Variants in TRMT13 observed in about 807,000 individuals in gnomAD.
TRMT13 encodes the protein tRNA methyltransferase 13, also known as tRNA:m(4)X modification enzyme TRM13 homolog.
TRMT13 carries 45 observed loss-of-function variants against 55.9 expected under a neutral mutation model. The observed-to-expected ratio is 0.80, with a 90% CI of 0.63 to 1.03. The LOEUF (loss-of-function observed/expected upper bound fraction) is 1.03. Ranked by LOEUF, TRMT13 falls within the 50% of genes least tolerant of loss-of-function variation. The pLI, the probability that TRMT13 is intolerant of heterozygous loss-of-function variation, is 0.00. For missense variants in TRMT13, 513 were observed against 563.9 expected (o/e 0.91, Z 0.91); for synonymous variants, 183 against 196.3 (o/e 0.93, Z 0.57).
At position 100,137,729 on chromosome 1, in the gene TRMT13, T is replaced by C. The variant is rs139594498; in HGVS notation, c.261+644T>C. Among the ~76,000 whole-genome samples, 737 of 152,326 alleles carry C rather than the reference T, an allele frequency of 4.8e-3. 9 individuals are homozygous for C. The highest frequency in any genetic ancestry group is 0.017 in the African/African-American group (720 of 41,574). On this transcript the variant is annotated intron_variant, in intron 3 of 10. Transcript: ENST00000370141. ...AAGACTCATAGAAAATCGAGACTTA[T>C]GGGAGGATGTCTTGCAATAGCACCG...
chr1:100,137,899 C>T (rs182129391), intron 3 of TRMT13, among the ~76,000 whole-genome samples: 5 of 152,334 alleles, frequency 3.3e-5, no homozygotes, highest in African/African-American at 1.2e-4. Context: ...CCACCACCAC[C>T]TACTTAGGAC....
At position 100,148,086 on chromosome 1, in the gene TRMT13, A is replaced by G. The variant is rs749468201; in HGVS notation, c.1010A>G (p.His337Arg). 4 of 1,614,214 alleles carry G rather than the reference A, an allele frequency of 2.5e-6. No homozygotes were observed. Among genetic ancestry groups the G allele is most frequent in the Non-Finnish European group, 3.4e-6 (4 of 1,180,030 alleles). ...GGCATTGTTATTGCACTCTGTTGTC[A>G]CCACAGGTGTGATTGGAGACATTAT... ...VAGIVIALCC[H>R]HRCDWRHYVG... Residue 337 changes from histidine to arginine, a missense_variant, in exon 10 of 11, where the codon CAC (histidine) becomes CGC (arginine). His to Arg is a conservative substitution (Grantham distance 29, BLOSUM62 0). Transcript: ENST00000370141.
Position 100,140,409 on chromosome 1 carries a change from C to T in TRMT13, c.396C>T (p.Gly132=). 3.7e-6 allele frequency: 6 copies of T among 1,612,920 alleles called. No individual in the cohort carries two copies. The highest frequency in any genetic ancestry group is 5.1e-6 in the Non-Finnish European group (6 of 1,179,274). ...LIKKLRKASE[G]LNSTLKDHIM... is the part of the protein sequence containing the mutation. ...CTGTTGTGCTTATATTTGGCACAGG[C>T]TTGAATTCTACACTTAAAGATCATA... The change falls in exon 6 of 11, where the codon GGC becomes GGT. Residue 132 remains glycine (G), a splice_region_variant and synonymous_variant. Coordinates refer to ENST00000370141, the MANE Select transcript of TRMT13 (RefSeq NM_019083.3).
At chr1:100,140,689 A>T in intron 6 of TRMT13, 163 bp from the exon 7 acceptor site, 1 of 836,694 alleles carries the variant, frequency 1.2e-6, no homozygotes, top group Admixed American at 2.9e-5. Flanking sequence ...TGTGATTCTG[A>T]GTACCGTATA....
rs149845319 is a variant in TRMT13 at position 100,133,198 on chromosome 1, G to T, written c.30G>T (p.Ala10=). 3.6e-5 allele frequency: 58 copies of T among 1,614,050 alleles called. No individual in the cohort carries two copies. The highest frequency in any genetic ancestry group is 1.6e-4 in the Middle Eastern group (1 of 6,084). Residue 10 remains alanine, a synonymous_variant, in exon 1 of 11, where the codon GCG becomes GCT. Transcript: ENST00000370141. MATSATSPH[A]PGFPAEGRCG... ...CGACCTCCGCGACGTCGCCGCACGC[G>T]CCTGGTTTTCCAGCTGAGGGTAGAT... is the stretch of plus-strand genomic sequence containing the variant.
rs548821446 is a variant in TRMT13 at position 100,142,754 on chromosome 1, G to T, written c.670-383G>T. 7.2e-5 allele frequency among the ~76,000 whole-genome samples: 11 copies of T among 152,258 alleles called. No individual in the cohort carries two copies. In the South Asian group the frequency reaches 2.3e-3, roughly 32 times the overall value. ...AGATCAGCCGGTCGTGGGCACATAG[G>T]TATAGATTAGAATGGTTGTGATCTT... On this transcript the variant is annotated intron_variant, in intron 7 of 10. Transcript: ENST00000370141.
At chr1:100,136,621 A>G (rs979924400) in intron 1 of TRMT13, among the ~76,000 whole-genome samples, 2 of 152,204 alleles carry the variant, frequency 1.3e-5, no homozygotes, top group African/African-American at 4.8e-5. Context: ...TTCAGACACC[A>G]TATGTAGGCC....
chr1:100,135,803 A>G (rs577627351), intron 1 of TRMT13, among the ~76,000 whole-genome samples: 1 of 152,230 alleles, frequency 6.6e-6, no homozygotes, highest in Admixed American at 6.5e-5. Context: ...CTTTTTTCCC[A>G]GTTCATATAG....
At position 100,137,019 on chromosome 1, in the gene TRMT13, C is replaced by A; in HGVS notation, c.195C>A (p.His65Gln). The A allele has an allele frequency of 6.2e-7, 1 of 1,607,910 alleles. No individual in the cohort carries two copies. Among genetic ancestry groups the A allele is most frequent in the Non-Finnish European group, 8.5e-7 (1 of 1,178,134 alleles). ...KRILCPLDPKHTVYEDQLAKH... is the reference protein window; with the variant it reads ...KRILCPLDPKQTVYEDQLAKH... ...GAAATAATTTTCTCTTTAAATTTAG[C>A]ACAGTATATGAAGATCAACTAGCAA... Residue 65 changes from histidine to glutamine, a missense_variant and splice_region_variant, in exon 3 of 11, where the codon CAC becomes CAA. Coordinates refer to ENST00000370141, the MANE Select transcript of TRMT13 (RefSeq NM_019083.3).
Position 100,149,240 on chromosome 1 carries a change from CTG to C in TRMT13, c.*421_*422del, listed in dbSNP as rs756000769. The stretch of plus-strand genomic sequence containing the variant: ...GTGATTGATTGTAACAAGGGCCAAT[CTG>C]AGAATTTGACTTATATGTGGACATT... On this transcript the variant is annotated 3_prime_UTR_variant, in exon 11 of 11. Coordinates refer to ENST00000370141, the MANE Select transcript of TRMT13 (RefSeq NM_019083.3). The C allele has an allele frequency of 1.3e-4, 201 of 1,500,430 alleles. No individual in the cohort carries two copies. In the Middle Eastern group the frequency reaches 1.8e-3, roughly 14 times the overall value. 92.9% of individuals were successfully genotyped at this position (1,500,430 alleles called of 1,614,324 possible). A position where few individuals can be genotyped will look rare whatever the true frequency, so the allele number is the denominator to read the frequency against.
At position 100,149,007 on chromosome 1, in the gene TRMT13, A is replaced by G; in HGVS notation, c.*187A>G. The G allele has an allele frequency of 4.0e-6, 6 of 1,506,686 alleles. No individual in the cohort carries two copies. The highest frequency in any genetic ancestry group is 5.3e-6 in the Non-Finnish European group (6 of 1,124,258). 93.3% of individuals were successfully genotyped at this position (1,506,686 alleles called of 1,614,324 possible). On this transcript the variant is annotated 3_prime_UTR_variant, in exon 11 of 11. Transcript: ENST00000370141. ...AATCCAAACATTAGAGAATTCACCA[A>G]AGTAATCCTCTTTAGAAGGGCATCT...
At position 100,133,308 on chromosome 1, in the gene TRMT13, C is replaced by CCATGGAGGTGAACA. The variant is rs1655281848; in HGVS notation, c.141_142insATGGAGGTGAACAC (p.Ala48MetfsTer19). The CCATGGAGGTGAACA allele has an allele frequency of 6.2e-7, 1 of 1,613,836 alleles. No homozygotes were observed. Among genetic ancestry groups the CCATGGAGGTGAACA allele is most frequent in the African/African-American group, 1.3e-5 (1 of 74,904 alleles). ...AGATTTTGTGGTGAACACGCTGGAG[C>CCATGGAGGTGAACA]CGCGGAGGTGTGGTATCGCCCTACT... On this transcript the variant is annotated frameshift_variant, in exon 1 of 11. Transcript: ENST00000370141. LOFTEE classifies it high-confidence loss of function.
chr1:100,136,919 A>C lies in TRMT13; in HGVS notation c.185A>C (p.Asp62Ala). Residue 62 changes from aspartate to alanine, a missense_variant, in exon 2 of 11, where the codon GAT (aspartate) becomes GCT (alanine). By Grantham distance (126) the Asp-to-Ala change is moderately radical. Transcript: ENST00000370141. Reference sequence around the variant, plus strand: ...CGGAAAAGAATCCTGTGTCCTTTAGATCCAAAACAGTAAGTGTGGATCAGA... The same window carrying C: ...CGGAAAAGAATCCTGTGTCCTTTAGCTCCAAAACAGTAAGTGTGGATCAGA... Reference protein sequence around the residue: ...DARKRILCPLDPKHTVYEDQL... With the variant: ...DARKRILCPLAPKHTVYEDQL... The C allele has an allele frequency of 6.2e-7, 1 of 1,604,322 alleles. No individual in the cohort carries two copies. Among genetic ancestry groups the C allele is most frequent in the African/African-American group, 1.3e-5 (1 of 74,432 alleles).
chr1:100,142,896 G>A (rs761100694), intron 7 of TRMT13: 2 of 460,180 alleles, frequency 4.3e-6, no homozygotes, highest in Non-Finnish European at 7.7e-6. Context: ...CAGTTCCTTT[G>A]TCAGTGAATT....
intron 8 of TRMT13, among the ~76,000 whole-genome samples, chr1:100,143,448 A>G (rs1656862556): frequency 6.6e-6 from 1 of 152,228 alleles, no homozygotes; most frequent in Admixed American, 6.5e-5. Context: ...GGAAGAGTTT[A>G]AAAGTTTTAT....
rs1657627920 is a variant in TRMT13 at position 100,148,747 on chromosome 1, C to T, written c.1373C>T (p.Pro458Leu). 6.3e-7 allele frequency: 1 copy of T among 1,576,620 alleles called. No homozygotes were observed. The change falls in exon 11 of 11, where the codon CCT (proline) becomes CTT (leucine). Residue 458 changes from proline to leucine, a missense_variant. By Grantham distance (98) the Pro-to-Leu change is moderately conservative. Transcript: ENST00000370141. Reference sequence around the variant, plus strand: ...CCTGCTTTGCAGTACTATACAGACCCTCTGGTGTCTTTGGAAAATGTTTTG... The same window carrying T: ...CCTGCTTTGCAGTACTATACAGACCTTCTGGTGTCTTTGGAAAATGTTTTG... ...FSPALQYYTD[P>L]LVSLENVLLT...
Position 100,133,190 on chromosome 1 carries a change from C to T in TRMT13, c.22C>T (p.Pro8Ser). 6.2e-7 allele frequency: 1 copy of T among 1,614,202 alleles called. No individual in the cohort carries two copies. The highest frequency in any genetic ancestry group is 8.5e-7 in the Non-Finnish European group (1 of 1,180,036). The change falls in exon 1 of 11, where the codon CCG (proline) becomes TCG (serine). Residue 8 changes from proline (P) to serine (S), a missense_variant. By Grantham distance (74) the Pro-to-Ser change is moderately conservative. Coordinates refer to ENST00000370141, the MANE Select transcript of TRMT13 (RefSeq NM_019083.3). MATSATS[P>S]HAPGFPAEGR... The stretch of plus-strand genomic sequence containing the variant: ...AATTATGGCGACCTCCGCGACGTCG[C>T]CGCACGCGCCTGGTTTTCCAGCTGA...
Position 100,149,039 on chromosome 1 carries a change from A to ATAT in TRMT13, c.*223_*225dup, listed in dbSNP as rs763920692. The stretch of plus-strand genomic sequence containing the variant: ...CCTCTTTAGAAGGGCATCTTGAATT[A>ATAT]TATTATCCATCCGTATTTATGGAGA... On this transcript the variant is annotated 3_prime_UTR_variant, in exon 11 of 11. Coordinates refer to ENST00000370141, the MANE Select transcript of TRMT13 (RefSeq NM_019083.3). The ATAT allele has an allele frequency of 6.3e-7, 1 of 1,585,596 alleles. No homozygotes were observed. The highest frequency in any genetic ancestry group is 1.4e-5 in the African/African-American group (1 of 73,866).
chr1:100,145,352 C>T (rs945237616), intron 9 of TRMT13, among the ~76,000 whole-genome samples: 1 of 152,138 alleles, frequency 6.6e-6, no homozygotes, highest in Admixed American at 6.6e-5. Context: ...CAGTTCCATC[C>T]CGGGGGTAGG....
Sources: allele counts gnomAD v4.1 joint callset (sites outside exome capture counted in the v4.1 genomes callset), GRCh38; gene constraint gnomAD v4.1.1; transcripts MANE v1.5; gene names NCBI Gene and HGNC (gene_info 2026-07-23, HGNC 2026-07-21).